GSG1L: variants seen among roughly 807,000 people sequenced by gnomAD.
GSG1L encodes GSG1 like.
A neutral mutation model predicts 42.1 loss-of-function variants in GSG1L; 24 were observed. That is an observed-to-expected ratio of 0.57 (90% CI 0.41 to 0.80). GSG1L has a LOEUF of 0.80. Ranked by LOEUF, GSG1L falls within the 30% of genes least tolerant of loss-of-function variation. GSG1L has a pLI of 0.00. For missense variants in GSG1L, 445 were observed against 472.2 expected (o/e 0.94, Z 0.53); for synonymous variants, 215 against 203.5 (o/e 1.06, Z -0.48).
chr16:27,979,665 G>A (rs150240995), intron 1 of GSG1L, among the ~76,000 whole-genome samples: 1,343 of 36,056 alleles, frequency 0.037, 41 homozygotes, highest in South Asian at 0.072. Context: ...GAAAGAAAGA[G>A]AGAGAGAGAG....
intron 1 of GSG1L, among the ~76,000 whole-genome samples, chr16:28,032,668 C>T (rs1308438058): frequency 6.6e-6 from 1 of 152,206 alleles, no homozygotes; most frequent in African/African-American, 2.4e-5. Context: ...ACAAAAACCT[C>T]TTCCCACCTC....
At chr16:27,951,293 G>A (rs1249716521) in intron 2 of GSG1L, among the ~76,000 whole-genome samples, 1 of 152,224 alleles carries the variant, frequency 6.6e-6, no homozygotes, top group East Asian at 1.9e-4. Context: ...TGGGTCGCAG[G>A]GCTGGGAGTA....
intron 1 of GSG1L, 103 bp from the exon 2 acceptor site, chr16:27,963,306 G>A (rs1358565267): frequency 1.0e-6 from 1 of 970,406 alleles, no homozygotes; most frequent in African/African-American, 1.6e-5. Context: ...CAGTGTCTCT[G>A]ACCCAAGCCC....
At chr16:27,956,836 T>A (rs955650168) in intron 2 of GSG1L, among the ~76,000 whole-genome samples, 2 of 151,990 alleles carry the variant, frequency 1.3e-5, no homozygotes, top group African/African-American at 4.8e-5. Context: ...CACTGAGTTG[T>A]GTGAATGCCA....
chr16:27,879,176 G>C (rs1333345316), intron 3 of GSG1L, among the ~76,000 whole-genome samples: 4 of 152,174 alleles, frequency 2.6e-5, no homozygotes, highest in African/African-American at 9.7e-5. Context: ...TCAAAGGAGA[G>C]AGCCTTTATC....
At chr16:27,969,566 C>T (rs1334208557) in intron 1 of GSG1L, among the ~76,000 whole-genome samples, 2 of 152,154 alleles carry the variant, frequency 1.3e-5, no homozygotes, top group East Asian at 3.8e-4. Context: ...TTATTTATAT[C>T]ACAGAATAAT....
chr16:27,880,974 C>A (rs1222762989), intron 3 of GSG1L, among the ~76,000 whole-genome samples: 1 of 151,872 alleles, frequency 6.6e-6, no homozygotes, highest in Non-Finnish European at 1.5e-5. Context: ...TCCACTTCTT[C>A]CCTATCTTGG....
At chr16:28,025,226 C>G (rs1277422698) in intron 1 of GSG1L, among the ~76,000 whole-genome samples, 1 of 152,082 alleles carries the variant, frequency 6.6e-6, no homozygotes. Flanking sequence ...ATGTGCACTG[C>G]GAGCCATGTC....
chr16:27,965,226 C>T (rs2085117612), intron 1 of GSG1L, among the ~76,000 whole-genome samples: 1 of 152,022 alleles, frequency 6.6e-6, no homozygotes, highest in African/African-American at 2.4e-5. Context: ...TCCATGTTGT[C>T]CAGGCTGGTC....
At chr16:28,017,875 G>C (rs1215898285) in intron 1 of GSG1L, among the ~76,000 whole-genome samples, 2 of 152,142 alleles carry the variant, frequency 1.3e-5, no homozygotes, top group African/African-American at 4.8e-5. Context: ...GGTTAACTTT[G>C]GGGAGGGACG....
At chr16:27,794,437 TCTC>T (rs967993418) in intron 6 of GSG1L, among the ~76,000 whole-genome samples, 3 of 151,982 alleles carry the variant, frequency 2.0e-5, no homozygotes, top group African/African-American at 7.3e-5. Context: ...TTCACGCCAT[TCTC>T]CTGCCTCAGC....
At chr16:27,889,381 A>G (rs188387366) in intron 2 of GSG1L, among the ~76,000 whole-genome samples, 194 of 152,330 alleles carry the variant, frequency 1.3e-3, no homozygotes, top group African/African-American at 4.3e-3. Context: ...AGCCAAGGAA[A>G]TTAATAACAA....
intron 1 of GSG1L, among the ~76,000 whole-genome samples, chr16:27,992,770 A>G (rs538908063): frequency 6.6e-6 from 1 of 152,272 alleles, no homozygotes; most frequent in South Asian, 2.1e-4. Flanking sequence ...TTTAGGGATC[A>G]CAGAGTCCAC....
At position 27,861,070 on chromosome 16, in the gene GSG1L, G is replaced by A. The variant is rs139568609; in HGVS notation, c.551-16009C>T. On this transcript the variant is annotated intron_variant, in intron 3 of 6. Coordinates refer to ENST00000447459, the MANE Select transcript of GSG1L (RefSeq NM_001109763.2). ...TAATAAATGCCCCATTGTAGGTCTA[G>A]AAAAGTGAAAGTGAGGGCCGGGTTC... Among the ~76,000 whole-genome samples the A allele has an allele frequency of 1.9e-3, 282 of 152,270 alleles. 1 individual carries two copies. Among genetic ancestry groups the A allele is most frequent in the African/African-American group, 6.5e-3 (269 of 41,562 alleles).
intron 2 of GSG1L, among the ~76,000 whole-genome samples, chr16:27,888,474 CTCTCTTTCCTTT>C (rs2084067283): frequency 2.4e-5 from 1 of 42,240 alleles, no homozygotes; most frequent in Non-Finnish European, 5.3e-5. Context: ...CTCTCTCTCT[CTCTCTTTCCTTT>C]CTTTCTTTCT....
At chr16:28,039,629 A>G (rs1024265422) in intron 1 of GSG1L, among the ~76,000 whole-genome samples, 7 of 151,842 alleles carry the variant, frequency 4.6e-5, no homozygotes, top group African/African-American at 7.3e-5. Flanking sequence ...GCAGACATGT[A>G]CGTGCGTGCA....
chr16:27,803,800 G>GAGATATAGATATAGAT (rs2082917322), intron 6 of GSG1L, among the ~76,000 whole-genome samples: 1 of 74,246 alleles, frequency 1.3e-5, no homozygotes, highest in Non-Finnish European at 2.9e-5. Flanking sequence ...TATATAGATA[G>GAGATATAGATATAGAT]ATAGATATAG....
chr16:27,869,899 ATC>A (rs777325545), intron 3 of GSG1L, among the ~76,000 whole-genome samples: 126 of 17,670 alleles, frequency 7.1e-3, no homozygotes, highest in African/African-American at 0.029. Flanking sequence ...GTCTCCCTCC[ATC>A]TCTCTCTGTC....
intron 3 of GSG1L, among the ~76,000 whole-genome samples, chr16:27,880,605 G>T (rs1396789005): frequency 1.3e-5 from 2 of 152,054 alleles, no homozygotes; most frequent in African/African-American, 4.8e-5. Flanking sequence ...TTTCACAGTG[G>T]GTCTCCCCAC....
Sources: gnomAD v4.1 joint callset for allele counts (sites outside exome capture counted in the v4.1 genomes callset) on GRCh38, gnomAD v4.1.1 for gene constraint, MANE v1.5 for transcripts, NCBI Gene and HGNC (gene_info 2026-07-23, HGNC 2026-07-21) for gene names.